The following PTPN3 variants were observed in gnomAD, a reference collection of about 807,000 sequenced individuals.
PTPN3 encodes the protein protein tyrosine phosphatase non-receptor type 3.
In PTPN3, 96 loss-of-function variants were observed where a neutral mutation model predicts 132.7. The observed-to-expected ratio is 0.72, with a 90% CI of 0.61 to 0.86. PTPN3 has a LOEUF of 0.86. Among genes scored for constraint, PTPN3 ranks in the 40% least tolerant of loss-of-function variants. PTPN3 has a pLI of 0.00. For missense variants in PTPN3, 1,125 were observed against 1,159.6 expected, an observed-to-expected ratio of 0.97 and a Z score of 0.43; for synonymous variants, 398 against 429.0, an observed-to-expected ratio of 0.93 and a Z score of 0.89.
intron 19 of PTPN3, among the ~76,000 whole-genome samples, chr9:109,403,294 A>C (rs570905581): frequency 3.3e-5 from 5 of 152,252 alleles, no homozygotes; most frequent in African/African-American, 1.2e-4. Context: ...TGCCTTCCTC[A>C]ATTACTCTGC....
chr9:109,515,439 T>C, the PTPN3 span, among the ~76,000 whole-genome samples: 1 of 152,208 alleles, frequency 6.6e-6, no homozygotes, highest in Non-Finnish European at 1.5e-5. Flanking sequence ...TACTTCTCCA[T>C]ACAAGAAACA....
chr9:109,395,982 G>A (rs966502839), intron 19 of PTPN3, among the ~76,000 whole-genome samples: 5 of 150,974 alleles, frequency 3.3e-5, no homozygotes, highest in Admixed American at 6.6e-5. Context: ...TCAGCCTCCC[G>A]TGTAGCTGGA....
rs765403514 is a variant in PTPN3 at position 109,391,203 on chromosome 9, C to A, written c.2045-4G>T. The A allele has an allele frequency of 1.9e-6, 3 of 1,611,036 alleles. No individual in the cohort carries two copies. The highest frequency in any genetic ancestry group is 1.7e-5 in the Admixed American group (1 of 59,508). ...AATAATACCCGGGTGGTGTCATCTG[C>A]GGGGAAGAGAAAAATTTACCGATTA... On this transcript the variant is annotated splice_region_variant and splice_polypyrimidine_tract_variant and intron_variant, in intron 20 of 25. Coordinates refer to ENST00000374541, the MANE Select transcript of PTPN3 (RefSeq NM_002829.4).
chr9:109,468,452 C>G (rs1045679844), intron 1 of PTPN3, among the ~76,000 whole-genome samples: 7 of 152,078 alleles, frequency 4.6e-5, no homozygotes, highest in Non-Finnish European at 7.4e-5. Flanking sequence ...CTGCAAGCTC[C>G]TCCTCCCGGG....
At chr9:109,387,818 T>C (rs1029702420) in intron 22 of PTPN3, among the ~76,000 whole-genome samples, 4 of 152,140 alleles carry the variant, frequency 2.6e-5, no homozygotes, top group Non-Finnish European at 5.9e-5. Context: ...ACATCTCTGA[T>C]GGAAAGTGAG....
At chr9:109,422,692 CAA>C (rs111591001) in intron 13 of PTPN3, 24 bp downstream of exon 13, 8,182 of 1,405,642 alleles carry the variant, frequency 5.8e-3, no homozygotes, top group Admixed American at 0.014. Context: ...TTGGGTAGTA[CAA>C]AAAAAAAAAA....
intron 19 of PTPN3, among the ~76,000 whole-genome samples, chr9:109,393,721 T>C (rs1446604617): frequency 6.6e-6 from 1 of 152,132 alleles, no homozygotes; most frequent in South Asian, 2.1e-4. Flanking sequence ...ATTCACCAAA[T>C]TGTGGCCAAC....
chr9:109,522,367 G>A, the PTPN3 span, among the ~76,000 whole-genome samples: 1 of 152,194 alleles, frequency 6.6e-6, no homozygotes. Context: ...GGCCTGGCCT[G>A]ATGGAGGATG....
chr9:109,534,315 C>G, the PTPN3 span: 27 of 1,522,798 alleles, frequency 1.8e-5, no homozygotes, highest in Non-Finnish European at 2.3e-5. Context: ...GCTGCTGGGT[C>G]TCGGCCTCGC....
chr9:109,463,591 T>C (rs1845954764), intron 1 of PTPN3, 140 bp from the exon 2 acceptor site: 1 of 694,076 alleles, frequency 1.4e-6, no homozygotes, highest in Non-Finnish European at 2.2e-6. Context: ...CAGATCATGT[T>C]TCCAATTGAG....
intron 1 of PTPN3, among the ~76,000 whole-genome samples, chr9:109,478,034 G>T (rs924979509): frequency 2.6e-5 from 4 of 152,220 alleles, no homozygotes; most frequent in South Asian, 2.1e-4. Context: ...ATCTCTGGAG[G>T]ATCCAGGACA....
chr9:109,449,851 G>C (rs1329712338), intron 5 of PTPN3: 1 of 985,230 alleles, frequency 1.0e-6, no homozygotes, highest in Non-Finnish European at 1.2e-6. Flanking sequence ...TAAAGGCCAA[G>C]GAACTGGCTT....
At chr9:109,420,839 G>A (rs1320452492) in intron 13 of PTPN3, among the ~76,000 whole-genome samples, 1 of 152,162 alleles carries the variant, frequency 6.6e-6, no homozygotes, top group East Asian at 1.9e-4. Flanking sequence ...TGTATAAACA[G>A]GCAGAATTAG....
At chr9:109,408,175 C>T (rs757298683) in intron 17 of PTPN3, 146 bp downstream of exon 17, 8 of 550,056 alleles carry the variant, frequency 1.5e-5, no homozygotes, top group East Asian at 3.1e-5. Flanking sequence ...CACACTGAGC[C>T]GCAAGGTTAT....
chr9:109,519,944 G>A, the PTPN3 span, among the ~76,000 whole-genome samples: 2 of 152,142 alleles, frequency 1.3e-5, no homozygotes, highest in Non-Finnish European at 2.9e-5. Context: ...AGGTTCATGA[G>A]GTCAGGAGAT....
intron 12 of PTPN3, among the ~76,000 whole-genome samples, chr9:109,424,204 T>C (rs1158033717): frequency 6.6e-6 from 1 of 152,216 alleles, no homozygotes; most frequent in Non-Finnish European, 1.5e-5. Flanking sequence ...ACAAATTTCT[T>C]TTTATGTGGA....
In PTPN3 at chr9:109,474,365, C is replaced by T. The variant is rs898689782; in HGVS notation, c.-17-10914G>A. On this transcript the variant is annotated intron_variant, in intron 1 of 25. Coordinates refer to ENST00000374541, the MANE Select transcript of PTPN3 (RefSeq NM_002829.4). ...GGTTGCTACTTTGGCAAAGGAGTTC[C>T]GCATCATTTACTCTCTCGATGTTCA... 6.6e-5 allele frequency among the ~76,000 whole-genome samples: 10 copies of T among 152,214 alleles called. No homozygotes were observed. In the Middle Eastern group the frequency reaches 0.014, roughly 207 times the overall value.
At chr9:109,446,188 C>T (rs1031974711) in intron 6 of PTPN3, among the ~76,000 whole-genome samples, 10 of 152,156 alleles carry the variant, frequency 6.6e-5, no homozygotes, top group Non-Finnish European at 8.8e-5. Context: ...CTCTGATAAA[C>T]GGAGGAATCC....
chr9:109,495,505 T>C (rs1451552365), intron 1 of PTPN3, among the ~76,000 whole-genome samples: 3 of 152,156 alleles, frequency 2.0e-5, no homozygotes, highest in African/African-American at 4.8e-5. Context: ...AAGGTCAAAA[T>C]TGGTCCCTCT....
Sources: allele counts gnomAD v4.1 joint callset (sites outside exome capture counted in the v4.1 genomes callset), GRCh38; gene constraint gnomAD v4.1.1; transcripts MANE v1.5; gene names NCBI Gene and HGNC (gene_info 2026-07-23, HGNC 2026-07-21).